The following GPR39 variants were observed in gnomAD, a reference collection of about 807,000 sequenced individuals.
The protein encoded by GPR39 is zinc sensing receptor.
Under a neutral mutation model 18.4 loss-of-function variants are expected in GPR39, and 23 were observed. The ratio of observed to expected loss-of-function variants is 1.25; its 90% CI spans 0.90 to 1.77. The LOEUF is 1.77. GPR39 is among the 40% of genes most tolerant of loss of function. The pLI is 0.00. For synonymous variants in GPR39, 280 were observed against 257.9 expected, an observed-to-expected ratio of 1.09 and a Z score of -0.82; for missense variants, 647 against 602.4, an observed-to-expected ratio of 1.07 and a Z score of -0.78.
chr2:132,567,953 G>A (rs969413916), intron 1 of GPR39, among the ~76,000 whole-genome samples: 2 of 152,018 alleles, frequency 1.3e-5, no homozygotes, highest in Non-Finnish European at 2.9e-5. Flanking sequence ...ATGATTGTGA[G>A]TCCTCCCCAG....
At chr2:132,538,113 A>C (rs1206794646) in intron 1 of GPR39, among the ~76,000 whole-genome samples, 3 of 152,074 alleles carry the variant, frequency 2.0e-5, no homozygotes, top group African/African-American at 2.4e-5. Flanking sequence ...AGTCATTCGG[A>C]GGAGAAGAGG....
intron 1 of GPR39, among the ~76,000 whole-genome samples, chr2:132,520,079 T>C (rs1258064994): frequency 1.3e-5 from 2 of 152,176 alleles, no homozygotes; most frequent in Non-Finnish European, 2.9e-5. Context: ...TCTTTCCTTT[T>C]TCTGACTTAT....
intron 1 of GPR39, among the ~76,000 whole-genome samples, chr2:132,460,531 G>A (rs1346067951): frequency 2.0e-5 from 3 of 152,140 alleles, no homozygotes; most frequent in Non-Finnish European, 4.4e-5. Flanking sequence ...GGGTGGAAAA[G>A]ATAAAATAGT....
At chr2:132,513,319 C>T (rs1261708124) in intron 1 of GPR39, among the ~76,000 whole-genome samples, 5 of 152,104 alleles carry the variant, frequency 3.3e-5, no homozygotes, top group South Asian at 4.1e-4. Context: ...AAAAATTAGC[C>T]GGGCGAGGTG....
chr2:132,607,101 G>A (rs1681153577), intron 1 of GPR39, among the ~76,000 whole-genome samples: 1 of 152,208 alleles, frequency 6.6e-6, no homozygotes, highest in South Asian at 2.1e-4. Flanking sequence ...CTTCCATGGT[G>A]TAGAATGAAA....
intron 1 of GPR39, among the ~76,000 whole-genome samples, chr2:132,553,190 G>A (rs1474466685): frequency 6.6e-6 from 1 of 151,400 alleles, no homozygotes; most frequent in Non-Finnish European, 1.5e-5. Flanking sequence ...TGGGATTACA[G>A]GCATGAGCCA....
At chr2:132,640,309 C>T (rs558536355) in intron 1 of GPR39, among the ~76,000 whole-genome samples, 2 of 152,182 alleles carry the variant, frequency 1.3e-5, no homozygotes, top group Non-Finnish European at 2.9e-5. Context: ...TGTTGTTAGA[C>T]ATCTGCATTT....
chr2:132,619,137 T>A (rs961076837), intron 1 of GPR39, among the ~76,000 whole-genome samples: 2 of 152,028 alleles, frequency 1.3e-5, no homozygotes, highest in Non-Finnish European at 2.9e-5. Flanking sequence ...TGCACTTTCT[T>A]CTCCACCCGA....
intron 1 of GPR39, among the ~76,000 whole-genome samples, chr2:132,508,134 C>G (rs1240682583): frequency 6.6e-6 from 1 of 152,136 alleles, no homozygotes; most frequent in African/African-American, 2.4e-5. Context: ...ACCTGAGTCA[C>G]CTCATTAGCA....
chr2:132,432,485 CTCCCTCTTCT>C (rs1476404078), intron 1 of GPR39, among the ~76,000 whole-genome samples: 2 of 152,314 alleles, frequency 1.3e-5, no homozygotes, highest in East Asian at 1.9e-4. Context: ...CTCCCTCTGC[CTCCCTCTTCT>C]GAGAATGCAT....
intron 1 of GPR39, among the ~76,000 whole-genome samples, chr2:132,499,310 T>G (rs1349002219): frequency 6.6e-6 from 1 of 152,194 alleles, no homozygotes; most frequent in Non-Finnish European, 1.5e-5. Context: ...ATTTGTTGAA[T>G]AGGGTGTCTT....
intron 1 of GPR39, among the ~76,000 whole-genome samples, chr2:132,563,594 T>C (rs1170338083): frequency 6.6e-6 from 1 of 152,162 alleles, no homozygotes; most frequent in Non-Finnish European, 1.5e-5. Context: ...TTATGGTGAA[T>C]GTGACCACCA....
At chr2:132,428,699 A>G (rs1680172738) in intron 1 of GPR39, among the ~76,000 whole-genome samples, 1 of 152,220 alleles carries the variant, frequency 6.6e-6, no homozygotes, top group Admixed American at 6.5e-5. Context: ...GCACTGATCT[A>G]CAACACTTGG....
At chr2:132,544,103 C>G (rs767007835) in intron 1 of GPR39, among the ~76,000 whole-genome samples, 11 of 152,162 alleles carry the variant, frequency 7.2e-5, no homozygotes, top group Non-Finnish European at 1.5e-4. Flanking sequence ...CACTTTCCAT[C>G]TTGTGGGGAT....
At chr2:132,522,917 G>A (rs992557844) in intron 1 of GPR39, among the ~76,000 whole-genome samples, 8 of 152,210 alleles carry the variant, frequency 5.3e-5, no homozygotes, top group Non-Finnish European at 1.0e-4. Context: ...AAACTGCCTG[G>A]AAGCTGCCAC....
At chr2:132,492,743 A>G (rs1456819422) in intron 1 of GPR39, among the ~76,000 whole-genome samples, 1 of 139,538 alleles carries the variant, frequency 7.2e-6, no homozygotes, top group African/African-American at 2.6e-5. Context: ...ATATATACAC[A>G]CCATGTATAT....
Position 132,427,126 on chromosome 2 carries a change from AGGTAC to A in GPR39, c.856+9229_856+9233del, listed in dbSNP as rs1558795589. ...ACATATATATATAATATACATATAT[AGGTAC>A]ATATATATATATATATATATATATA... On this transcript the variant is annotated intron_variant, in intron 1 of 1. Coordinates refer to ENST00000329321, the MANE Select transcript of GPR39 (RefSeq NM_001508.3). Among the ~76,000 whole-genome samples the A allele has an allele frequency of 6.9e-4, 43 of 61,916 alleles. 1 individual carries two copies. Among genetic ancestry groups the A allele is most frequent in the South Asian group, 6.9e-3 (13 of 1,884 alleles). 40.6% of individuals were successfully genotyped at this position (61,916 alleles called of 152,430 possible).
intron 1 of GPR39, among the ~76,000 whole-genome samples, chr2:132,576,129 T>C (rs1680523897): frequency 6.6e-6 from 1 of 152,222 alleles, no homozygotes; most frequent in Non-Finnish European, 1.5e-5. Context: ...ACAATGACTG[T>C]CTTTTGCCCA....
intron 1 of GPR39, among the ~76,000 whole-genome samples, chr2:132,493,841 G>A (rs1681582363): frequency 6.6e-6 from 1 of 151,994 alleles, no homozygotes; most frequent in Non-Finnish European, 1.5e-5. Flanking sequence ...GAGACCTAGG[G>A]TGTGTTGAAA....
Sources: gnomAD v4.1 joint callset for allele counts (sites outside exome capture counted in the v4.1 genomes callset) on GRCh38, gnomAD v4.1.1 for gene constraint, MANE v1.5 for transcripts, NCBI Gene and HGNC (gene_info 2026-07-23, HGNC 2026-07-21) for gene names.